Variants in ESRRB observed in about 807,000 individuals in gnomAD.
ESRRB encodes the protein estrogen related receptor beta, also known as steroid hormone receptor ERR2.
In ESRRB, 16 loss-of-function variants were observed where a neutral mutation model predicts 46.0. The observed-to-expected ratio is 0.35, with a 90% CI of 0.24 to 0.53. The LOEUF is 0.53. Among genes scored for constraint, ESRRB ranks in the 20% least tolerant of loss-of-function variants. The probability of loss-of-function intolerance (pLI) is 0.93; values close to 1 mark genes in which losing one functional copy is unlikely to be tolerated. For missense variants in ESRRB, 488 were observed against 607.4 expected, an observed-to-expected ratio of 0.80 and a Z score of 2.07; for synonymous variants, 246 against 259.6, an observed-to-expected ratio of 0.95 and a Z score of 0.50.
At chr14:76,384,005 G>A (rs897291656) in intron 1 of ESRRB, among the ~76,000 whole-genome samples, 7 of 152,096 alleles carry the variant, frequency 4.6e-5, no homozygotes, top group Non-Finnish European at 8.8e-5. Context: ...TCATCTCACC[G>A]CCTATGCTTG....
At chr14:76,399,781 G>T (rs1181257785) in intron 1 of ESRRB, among the ~76,000 whole-genome samples, 1 of 152,186 alleles carries the variant, frequency 6.6e-6, no homozygotes, top group Non-Finnish European at 1.5e-5. Flanking sequence ...CCATGAGGAA[G>T]GGGACAGCGC....
At chr14:76,485,004 G>A (rs190918136) in intron 5 of ESRRB, among the ~76,000 whole-genome samples, 56 of 152,192 alleles carry the variant, frequency 3.7e-4, no homozygotes, top group African/African-American at 1.3e-3. Context: ...TCCTTTCATG[G>A]CTTCATTTAT....
chr14:76,326,657 CAA>C (rs1017677795), intron 1 of ESRRB, among the ~76,000 whole-genome samples: 9 of 152,048 alleles, frequency 5.9e-5, no homozygotes, highest in African/African-American at 1.9e-4. Context: ...TTTGCTGACT[CAA>C]GAGTTTGGCT....
chr14:76,371,417 CA>C (rs1262757963), upstream of ESRRB: 1 of 152,294 alleles, frequency 6.6e-6, no homozygotes, highest in African/African-American at 2.4e-5. Context: ...CAGAGATGCG[CA>C]GGTTAGGCTC....
chr14:76,495,295 C>G (rs1440095643), intron 6 of ESRRB: 4 of 152,026 alleles, frequency 2.6e-5, no homozygotes, highest in African/African-American at 9.7e-5. Flanking sequence ...GGTTTCAGGT[C>G]TCCGGACTTC....
At chr14:76,370,950 G>C (rs1239703484), upstream of ESRRB, among the ~76,000 whole-genome samples, 1 of 152,166 alleles carries the variant, frequency 6.6e-6, no homozygotes, top group Non-Finnish European at 1.5e-5. Context: ...AACGAATGGA[G>C]CTTTGAAATA....
At chr14:76,451,342 T>C (rs1200152514) in intron 2 of ESRRB, among the ~76,000 whole-genome samples, 1 of 152,238 alleles carries the variant, frequency 6.6e-6, no homozygotes, top group Non-Finnish European at 1.5e-5. Context: ...AGCCTTAATG[T>C]CCGTATCAGT....
At chr14:76,431,597 C>T (rs1887448632) in intron 1 of ESRRB, among the ~76,000 whole-genome samples, 1 of 152,144 alleles carries the variant, frequency 6.6e-6, no homozygotes. Flanking sequence ...TGAGTTGGGG[C>T]ACGAGGGAGG....
rs886381261 is a variant in ESRRB at position 76,499,099 on chromosome 14, C to T, written c.*641C>T. ...ACCCCACCCCTCGGGGCCTACCCCC[C>T]TGCCTGTCACCCACCGCGCCGGTGT... is the stretch of plus-strand genomic sequence containing the variant. On this transcript the variant is annotated 3_prime_UTR_variant, in exon 7 of 7. Coordinates refer to ENST00000644823, the MANE Select transcript of ESRRB (RefSeq NM_001379180.1). 3.0e-6 allele frequency: 1 copy of T among 332,710 alleles called. No homozygotes were observed. Among genetic ancestry groups the T allele is most frequent in the South Asian group, 2.3e-5 (1 of 42,706 alleles). The allele number at this position is 332,710 out of a possible 1,614,324, so 20.6% of individuals were successfully genotyped here. A position where few individuals can be genotyped will look rare whatever the true frequency, so the allele number is the denominator to read the frequency against.
intron 1 of ESRRB, among the ~76,000 whole-genome samples, chr14:76,399,190 G>A (rs771743602): frequency 2.1e-4 from 32 of 152,132 alleles, no homozygotes; most frequent in South Asian, 2.1e-3. Context: ...CTGGCCAGCC[G>A]TGTGTTTTAA....
chr14:76,379,114 A>T (rs1280775703), intron 1 of ESRRB, among the ~76,000 whole-genome samples: 1 of 152,194 alleles, frequency 6.6e-6, no homozygotes, highest in African/African-American at 2.4e-5. Context: ...GTGAGAAATG[A>T]ACACACACAG....
intron 1 of ESRRB, among the ~76,000 whole-genome samples, chr14:76,389,780 G>A (rs1374744214): frequency 6.6e-6 from 1 of 152,050 alleles, no homozygotes; most frequent in Non-Finnish European, 1.5e-5. Context: ...AAATTAAATG[G>A]TATAAACTTA....
chr14:76,438,478 A>G (rs1288008634), intron 1 of ESRRB, among the ~76,000 whole-genome samples: 1 of 152,130 alleles, frequency 6.6e-6, no homozygotes, highest in African/African-American at 2.4e-5. Flanking sequence ...ACTGGTCAAT[A>G]TGGTGAAATC....
intron 1 of ESRRB, among the ~76,000 whole-genome samples, chr14:76,327,944 C>A (rs1053950301): frequency 2.6e-5 from 4 of 151,898 alleles, no homozygotes; most frequent in Non-Finnish European, 4.4e-5. Context: ...GAACTCCTGA[C>A]GCCAGGTGAT....
chr14:76,454,460 C>A (rs943971015), intron 2 of ESRRB, among the ~76,000 whole-genome samples: 2 of 152,022 alleles, frequency 1.3e-5, no homozygotes, highest in African/African-American at 2.4e-5. Context: ...GAGAAACATG[C>A]GAGCCTATCT....
At chr14:76,406,941 A>G (rs886655321) in intron 1 of ESRRB, among the ~76,000 whole-genome samples, 7 of 152,196 alleles carry the variant, frequency 4.6e-5, no homozygotes, top group Admixed American at 4.6e-4. Context: ...GCGGGCAGGG[A>G]ATGTGTTGTA....
intron 6 of ESRRB, among the ~76,000 whole-genome samples, chr14:76,496,473 G>C (rs1226073706): frequency 2.1e-5 from 2 of 94,358 alleles, no homozygotes; most frequent in Admixed American, 1.9e-4. Flanking sequence ...GAACAGGCCA[G>C]TTTCAGGGAG....
chr14:76,336,889 G>A (rs1396392313), intron 1 of ESRRB, among the ~76,000 whole-genome samples: 1 of 152,170 alleles, frequency 6.6e-6, no homozygotes, highest in African/African-American at 2.4e-5. Flanking sequence ...AGCCAAGATC[G>A]TGAACACATT....
chr14:76,321,649 T>C (rs1883868444), intron 1 of ESRRB, among the ~76,000 whole-genome samples: 1 of 152,170 alleles, frequency 6.6e-6, no homozygotes, highest in Non-Finnish European at 1.5e-5. Context: ...GCCTCCCCTG[T>C]ATTACTCTTC....
Sources: allele counts gnomAD v4.1 joint callset (sites outside exome capture counted in the v4.1 genomes callset), GRCh38; gene constraint gnomAD v4.1.1; transcripts MANE v1.5; gene names NCBI Gene and HGNC (gene_info 2026-07-23, HGNC 2026-07-21).